Variants in SAE1 observed in about 807,000 individuals in gnomAD.
SAE1 encodes SUMO1 activating enzyme subunit 1.
SAE1 carries 11 observed loss-of-function variants against 40.6 expected under a neutral mutation model. That is an observed-to-expected ratio of 0.27 (90% CI 0.17 to 0.45). The LOEUF (loss-of-function observed/expected upper bound fraction) is 0.45, where lower values mean the gene tolerates loss of function less well. SAE1 is among the 20% of genes least tolerant of loss of function. The pLI is 1.00. For synonymous variants in SAE1, 155 were observed against 154.3 expected, an observed-to-expected ratio of 1.00 and a Z score of -0.03; for missense variants, 373 against 427.3, an observed-to-expected ratio of 0.87 and a Z score of 1.12.
At chr19:47,163,789 C>A (rs1239606945) in intron 5 of SAE1, among the ~76,000 whole-genome samples, 1 of 152,128 alleles carries the variant, frequency 6.6e-6, no homozygotes, top group East Asian at 1.9e-4. Flanking sequence ...AAGTACTGTG[C>A]CATTTATTTA....
chr19:47,184,723 A>AT (rs887109529), intron 6 of SAE1, among the ~76,000 whole-genome samples: 1 of 151,334 alleles, frequency 6.6e-6, no homozygotes, highest in Non-Finnish European at 1.5e-5. Flanking sequence ...GTTCTGTCGT[A>AT]TTTTTTTACG....
chr19:47,203,468 A>G (rs2058666847), intron 7 of SAE1, among the ~76,000 whole-genome samples: 2 of 152,200 alleles, frequency 1.3e-5, no homozygotes. Context: ...GCCAAAGTTC[A>G]AAGGTCTTTT....
At chr19:47,203,474 C>G (rs942633536) in intron 7 of SAE1, among the ~76,000 whole-genome samples, 197 bp from the exon 8 acceptor site, 5 of 152,146 alleles carry the variant, frequency 3.3e-5, no homozygotes, top group Non-Finnish European at 7.4e-5. Context: ...GTTCAAAGGT[C>G]TTTTCCAACC....
chr19:47,160,314 C>T (rs894027724), intron 5 of SAE1, among the ~76,000 whole-genome samples: 14 of 149,658 alleles, frequency 9.4e-5, no homozygotes, highest in African/African-American at 3.0e-4. Flanking sequence ...CTCCGCCTCC[C>T]GGGTTTAAGC....
chr19:47,150,336 A>G lies in SAE1; in HGVS notation c.345A>G (p.Ile115Met). 6.2e-7 allele frequency: 1 copy of G among 1,609,722 alleles called. No individual in the cohort carries two copies. Among genetic ancestry groups the G allele is most frequent in the Non-Finnish European group, 8.5e-7 (1 of 1,178,642 alleles). ...MVDVKVDTED[I>M]EKKPESFFTQ... ...ATGTGAAGGTGGACACTGAGGATATAGAGAAGAAACCAGAGTCATTTTTCA... is the reference window on the plus strand; with the variant it reads ...ATGTGAAGGTGGACACTGAGGATATGGAGAAGAAACCAGAGTCATTTTTCA... The change falls in exon 3 of 9, where the codon ATA (isoleucine) becomes ATG (methionine). Residue 115 changes from isoleucine to methionine, a missense_variant. Transcript: ENST00000270225.
At chr19:47,134,455 G>C (rs1209422730) in intron 1 of SAE1, among the ~76,000 whole-genome samples, 1 of 152,056 alleles carries the variant, frequency 6.6e-6, no homozygotes, top group East Asian at 1.9e-4. Flanking sequence ...AGGGTTGAAG[G>C]CACCTGGAAT....
intron 1 of SAE1, chr19:47,135,488 T>G (rs1054765761): frequency 1.4e-4 from 22 of 152,176 alleles, no homozygotes; most frequent in Non-Finnish European, 1.2e-4. Context: ...GCCCTCCCTG[T>G]TGTTGTAAAT....
chr19:47,173,218 C>T (rs376765172), intron 6 of SAE1, among the ~76,000 whole-genome samples: 8 of 152,198 alleles, frequency 5.3e-5, no homozygotes, highest in African/African-American at 1.7e-4. Flanking sequence ...AGGCTGGTCT[C>T]GAACTCTTGA....
At chr19:47,150,426 C>G (rs2058281412) in intron 3 of SAE1, 51 bp downstream of exon 3, 8 of 1,424,778 alleles carry the variant, frequency 5.6e-6, no homozygotes, top group Non-Finnish European at 7.7e-6. Context: ...AATTAAGGTG[C>G]TAGTTGTATA....
intron 8 of SAE1, among the ~76,000 whole-genome samples, chr19:47,206,311 C>G (rs1016565425): frequency 1.2e-4 from 19 of 152,202 alleles, no homozygotes; most frequent in Admixed American, 9.8e-4. Flanking sequence ...GCTCTCATCC[C>G]CAGTACTCCT....
chr19:47,193,825 C>CAA (rs1174941973), intron 6 of SAE1, among the ~76,000 whole-genome samples: 3 of 87,802 alleles, frequency 3.4e-5, no homozygotes, highest in South Asian at 7.1e-4. Context: ...AAGATTGTCT[C>CAA]AAAAAAAAAA....
intron 1 of SAE1, among the ~76,000 whole-genome samples, chr19:47,137,186 C>T (rs753737999): frequency 7.2e-4 from 109 of 152,002 alleles, no homozygotes; most frequent in Non-Finnish European, 1.2e-3. Context: ...GTCAGGAGTT[C>T]GAGACTAGCC....
At chr19:47,158,093 G>T (rs1456941992) in intron 5 of SAE1, among the ~76,000 whole-genome samples, 1 of 151,804 alleles carries the variant, frequency 6.6e-6, no homozygotes, top group Non-Finnish European at 1.5e-5. Context: ...GCAGGGTGGG[G>T]GTGGGGAAGC....
chr19:47,204,803 C>T (rs887673549), intron 8 of SAE1, among the ~76,000 whole-genome samples: 12 of 152,072 alleles, frequency 7.9e-5, no homozygotes, highest in South Asian at 2.1e-4. Flanking sequence ...GCCAAGCCCC[C>T]GTCTTTTTAA....
chr19:47,208,449 CT>C (rs1022914999), intron 8 of SAE1, among the ~76,000 whole-genome samples: 5 of 150,118 alleles, frequency 3.3e-5, no homozygotes, highest in Admixed American at 2.7e-4. Context: ...TTCTTTTTCT[CT>C]TTTTTTTTGA....
intron 6 of SAE1, among the ~76,000 whole-genome samples, chr19:47,195,918 G>A (rs1270629149): frequency 2.4e-4 from 35 of 148,056 alleles, no homozygotes; most frequent in African/African-American, 8.2e-4. Flanking sequence ...TTTTTTGGTA[G>A]CAGTGAGGTC....
At chr19:47,191,119 A>T (rs908551480) in intron 6 of SAE1, among the ~76,000 whole-genome samples, 2 of 152,214 alleles carry the variant, frequency 1.3e-5, no homozygotes, top group Admixed American at 1.3e-4. Flanking sequence ...TCTGTAAAGT[A>T]GGATGGGTAG....
chr19:47,145,823 G>T (rs755051336), intron 2 of SAE1, among the ~76,000 whole-genome samples: 1 of 152,096 alleles, frequency 6.6e-6, no homozygotes, highest in African/African-American at 2.4e-5. Context: ...CCATCTTAGA[G>T]CGTATTATGT....
At chr19:47,142,602 T>C (rs2123191351) in intron 1 of SAE1, 1 of 152,298 alleles carries the variant, frequency 6.6e-6, no homozygotes, top group Admixed American at 6.5e-5. Context: ...CCAGAATCCT[T>C]CCATTGCATG....
Sources: allele counts gnomAD v4.1 joint callset (sites outside exome capture counted in the v4.1 genomes callset), GRCh38; gene constraint gnomAD v4.1.1; transcripts MANE v1.5; gene names NCBI Gene and HGNC (gene_info 2026-07-23, HGNC 2026-07-21).